The following SNRPN variants were observed in gnomAD, a reference collection of about 807,000 sequenced individuals.
SNRPN encodes small nuclear ribonucleoprotein polypeptide N.
Under a neutral mutation model 25.2 loss-of-function variants are expected in SNRPN, and 7 were observed. The observed-to-expected ratio is 0.28, with a 90% CI of 0.16 to 0.52. The LOEUF is 0.52. Among genes scored for constraint, SNRPN ranks in the 20% least tolerant of loss-of-function variants. The pLI is 0.96. For synonymous variants in SNRPN, 124 were observed against 110.6 expected, an observed-to-expected ratio of 1.12 and a Z score of -0.76; for missense variants, 196 against 322.5, an observed-to-expected ratio of 0.61 and a Z score of 3.00.
chr15:24,943,271 C>T (rs1412912454), intron 3 of SNRPN, among the ~76,000 whole-genome samples: 2 of 149,394 alleles, frequency 1.3e-5, no homozygotes, highest in Non-Finnish European at 2.9e-5. Context: ...GTCTTCACCA[C>T]TCTTCTTCAG....
intron 2 of SNRPN, among the ~76,000 whole-genome samples, chr15:24,887,889 C>T (rs566298705): frequency 5.8e-4 from 88 of 151,754 alleles, no homozygotes; most frequent in Non-Finnish European, 4.6e-4. Context: ...GCAGAGAGGA[C>T]CCCCCAGGCT....
intron 3 of SNRPN, among the ~76,000 whole-genome samples, chr15:24,923,544 T>C (rs2060164829): frequency 1.3e-5 from 2 of 152,180 alleles, no homozygotes; most frequent in South Asian, 4.1e-4. Context: ...ATAGCAGCAT[T>C]ATTTGTAATA....
chr15:24,908,718 C>T (rs1308897389), intron 2 of SNRPN, among the ~76,000 whole-genome samples: 1 of 152,184 alleles, frequency 6.6e-6, no homozygotes, highest in Non-Finnish European at 1.5e-5. Flanking sequence ...TGCTTATATA[C>T]ATTTTAAGCT....
chr15:24,943,371 T>C lies in SNRPN; in HGVS notation c.-390-18743T>C, dbSNP rs189087539. 2.0e-3 allele frequency among the ~76,000 whole-genome samples: 299 copies of C among 152,272 alleles called. 6 individuals are homozygous for C. The highest frequency in any genetic ancestry group is 0.018 in the Admixed American group (272 of 15,282). On this transcript the variant is annotated intron_variant, in intron 3 of 11. Transcript: ENST00000400097. ...TGTAGAACCATCTGTAAACCAGGCC[T>C]GAGTCTTCTCTTTTTCCATCATCTG...
At chr15:24,879,458 G>T (rs969532895) in intron 1 of SNRPN, among the ~76,000 whole-genome samples, 3 of 151,666 alleles carry the variant, frequency 2.0e-5, no homozygotes, top group African/African-American at 7.3e-5. Context: ...AAGAAAGAAA[G>T]AAATTATACA....
intron 3 of SNRPN, chr15:24,920,635 A>C (rs1156714158): frequency 6.6e-6 from 1 of 152,182 alleles, no homozygotes; most frequent in Non-Finnish European, 1.5e-5. Context: ...GCCCAGTTTC[A>C]ATATGTGAAT....
At chr15:24,974,961 A>G (rs1198619678) in intron 4 of SNRPN, 2 of 703,040 alleles carry the variant, frequency 2.8e-6, no homozygotes, top group South Asian at 1.5e-5. Flanking sequence ...CTCTCAGGTC[A>G]GATTACAATA....
At chr15:24,848,222 G>GACGGC (rs2052391645) in intron 2 of SNRPN, 2 of 138,152 alleles carry the variant, frequency 1.4e-5, no homozygotes, top group African/African-American at 5.6e-5. Context: ...TGGGGGGCGG[G>GACGGC]GGCGGCGGTG....
intron 1 of SNRPN, among the ~76,000 whole-genome samples, chr15:24,877,335 A>G (rs961590961): frequency 2.6e-5 from 4 of 152,198 alleles, no homozygotes; most frequent in African/African-American, 9.7e-5. Flanking sequence ...AGCACGTGCT[A>G]CACTAGCTTT....
At chr15:24,970,132 A>C (rs1223569767) in intron 3 of SNRPN, among the ~76,000 whole-genome samples, 1 of 152,236 alleles carries the variant, frequency 6.6e-6, no homozygotes, top group Non-Finnish European at 1.5e-5. Flanking sequence ...AGCGTAGACA[A>C]TCAGATGAAT....
At chr15:24,901,429 C>T (rs921104248) in intron 2 of SNRPN, among the ~76,000 whole-genome samples, 5 of 152,116 alleles carry the variant, frequency 3.3e-5, no homozygotes, top group African/African-American at 7.2e-5. Context: ...GTCAAATGTT[C>T]AACAGATGCC....
At chr15:24,840,511 A>C (rs1291399184) in intron 2 of SNRPN, among the ~76,000 whole-genome samples, 1 of 152,244 alleles carries the variant, frequency 6.6e-6, no homozygotes, top group Non-Finnish European at 1.5e-5. Flanking sequence ...CTGTGATTTC[A>C]TCTGGCTAGC....
intron 2 of SNRPN, among the ~76,000 whole-genome samples, chr15:24,830,729 G>T (rs1457201754): frequency 6.6e-6 from 1 of 151,952 alleles, no homozygotes; most frequent in Non-Finnish European, 1.5e-5. Flanking sequence ...CACGTATTTT[G>T]CAATTCACCA....
At chr15:24,961,765 G>C (rs1405460444) in intron 1 of SNRPN, among the ~76,000 whole-genome samples, 1 of 152,076 alleles carries the variant, frequency 6.6e-6, no homozygotes, top group African/African-American at 2.4e-5. Context: ...CTGTTTTTGG[G>C]GGGAAGGTGA....
chr15:24,932,064 C>G (rs1477993363), intron 3 of SNRPN, among the ~76,000 whole-genome samples: 2 of 151,884 alleles, frequency 1.3e-5, no homozygotes, highest in Admixed American at 1.3e-4. Flanking sequence ...AGACAGGGGC[C>G]CTATCTTCTG....
intron 3 of SNRPN, among the ~76,000 whole-genome samples, chr15:24,933,035 G>A (rs1039119482): frequency 6.6e-6 from 1 of 152,174 alleles, no homozygotes; most frequent in Non-Finnish European, 1.5e-5. Flanking sequence ...GCTGGGGCAG[G>A]AGGATTACTT....
At chr15:24,950,693 G>A (rs966453198), upstream of SNRPN, among the ~76,000 whole-genome samples, 3 of 150,676 alleles carry the variant, frequency 2.0e-5, no homozygotes, top group African/African-American at 4.9e-5. Flanking sequence ...GACCAGAGGT[G>A]TGCAACACCA....
upstream of SNRPN, among the ~76,000 whole-genome samples, chr15:24,853,663 G>A (rs1018066053): frequency 2.6e-4 from 40 of 152,276 alleles, no homozygotes; most frequent in African/African-American, 9.4e-4. Context: ...AAAGTGCTGG[G>A]ATTACAGGCG....
At chr15:24,925,943 G>C (rs1288474559) in intron 3 of SNRPN, among the ~76,000 whole-genome samples, 3 of 152,026 alleles carry the variant, frequency 2.0e-5, no homozygotes, top group Admixed American at 6.6e-5. Context: ...ACTGTGTTAG[G>C]CAGGATGGTC....
Sources: gnomAD v4.1 joint callset for allele counts (sites outside exome capture counted in the v4.1 genomes callset) on GRCh38, gnomAD v4.1.1 for gene constraint, MANE v1.5 for transcripts, NCBI Gene and HGNC (gene_info 2026-07-23, HGNC 2026-07-21) for gene names.